Variants in SLC30A7 observed in about 807,000 individuals in gnomAD.
The protein encoded by SLC30A7 is solute carrier family 30 member 7.
A neutral mutation model predicts 46.0 loss-of-function variants in SLC30A7; 35 were observed. That is an observed-to-expected ratio of 0.76 (90% confidence interval 0.58 to 1.01). SLC30A7 has a LOEUF of 1.01. SLC30A7 is among the 50% of genes least tolerant of loss of function. The pLI is 0.00. For missense variants in SLC30A7, 464 were observed against 451.1 expected (o/e 1.03, Z -0.26); for synonymous variants, 147 against 157.8 (o/e 0.93, Z 0.51).
intron 8 of SLC30A7, among the ~76,000 whole-genome samples, chr1:100,922,231 G>T (rs193121162): frequency 1.3e-5 from 2 of 152,030 alleles, no homozygotes; most frequent in African/African-American, 2.4e-5. Flanking sequence ...CTCTGAAAGC[G>T]CTGGGATTAC....
chr1:100,920,920 A>G (rs1652893110), intron 7 of SLC30A7, among the ~76,000 whole-genome samples: 1 of 152,066 alleles, frequency 6.6e-6, no homozygotes, highest in South Asian at 2.1e-4. Context: ...TAAAGATCTA[A>G]ACGTTGAATA....
intron 8 of SLC30A7, among the ~76,000 whole-genome samples, chr1:100,939,861 AC>A (rs1227851354): frequency 6.6e-6 from 1 of 151,730 alleles, no homozygotes; most frequent in Admixed American, 6.6e-5. Flanking sequence ...AAAAAAAAAA[AC>A]AGCAACATGT....
chr1:100,913,766 C>G lies in SLC30A7; in HGVS notation c.615C>G (p.Ser205Arg), dbSNP rs1433800668. 6.2e-7 allele frequency: 1 copy of G among 1,613,706 alleles called. No individual in the cohort carries two copies. Among genetic ancestry groups the G allele is most frequent in the African/African-American group, 1.3e-5 (1 of 74,912 alleles). Residue 205 changes from serine (S) to arginine (R), a missense_variant, in exon 6 of 11, where the codon AGC (serine) becomes AGG (arginine). Ser to Arg is a moderately radical substitution (Grantham distance 110). Transcript: ENST00000357650. Reference sequence around the variant, plus strand: ...AAGTGAAACATGGTGCTGCACATAGCCATGATCATGCTCATGGACATGGAC... The same window carrying G: ...AAGTGAAACATGGTGCTGCACATAGGCATGATCATGCTCATGGACATGGAC... The part of the protein sequence containing the change: ...SHEVKHGAAH[S>R]HDHAHGHGHF...
rs1056625402 is a variant in SLC30A7, at chr1:100,976,007, A to C, written c.*1150A>C. On this transcript the variant is annotated 3_prime_UTR_variant, in exon 11 of 11. Transcript: ENST00000357650. ...TCTTCACAGAAAATAAAAGGTGTTAATTTGCTTTTTAAAACAAATTTAATT... is the reference window on the plus strand; with the variant it reads ...TCTTCACAGAAAATAAAAGGTGTTACTTTGCTTTTTAAAACAAATTTAATT... 2 of 152,628 alleles carry C rather than the reference A, an allele frequency of 1.3e-5. No individual in the cohort carries two copies. The highest frequency in any genetic ancestry group is 2.1e-4 in the South Asian group (1 of 4,824). 9.5% of individuals were successfully genotyped at this position (152,628 alleles called of 1,614,324 possible).
chr1:100,902,267 C>T (rs1041106761), intron 2 of SLC30A7, among the ~76,000 whole-genome samples: 3 of 152,086 alleles, frequency 2.0e-5, no homozygotes, highest in Non-Finnish European at 2.9e-5. Context: ...CTAAAAATAA[C>T]ATTTTAATGC....
At chr1:100,913,571 A>C in intron 5 of SLC30A7, 92 bp from the exon 6 acceptor site, 4 of 888,038 alleles carry the variant, frequency 4.5e-6, no homozygotes, top group Non-Finnish European at 5.4e-6. Context: ...ATCTGAGTTT[A>C]GAGCTGATTC....
At chr1:100,960,949 T>G (rs113147967) in intron 8 of SLC30A7, among the ~76,000 whole-genome samples, 36 of 19,162 alleles carry the variant, frequency 1.9e-3, no homozygotes, top group South Asian at 0.016. Flanking sequence ...TTTTGTGTGT[T>G]TTTTTTTTTT....
rs1557968775 is a variant in SLC30A7, at chr1:100,896,282, A to G, written c.20A>G (p.Lys7Arg). The change falls in exon 1 of 11, where the codon AAA becomes AGA. Residue 7 changes from lysine to arginine, a missense_variant. Coordinates refer to ENST00000357650, the MANE Select transcript of SLC30A7 (RefSeq NM_133496.5). The stretch of plus-strand genomic sequence containing the variant: ...GAGAAGATGTTGCCCCTGTCCATCA[A>G]AGACGATGAATACAAACCACCCAAG... MLPLSI[K>R]DDEYKPPKFN... The G allele has an allele frequency of 1.2e-6, 2 of 1,614,222 alleles. No homozygotes were observed. Among genetic ancestry groups the G allele is most frequent in the East Asian group, 2.2e-5 (1 of 44,878 alleles).
intron 8 of SLC30A7, among the ~76,000 whole-genome samples, chr1:100,952,527 G>A (rs1369331674): frequency 6.6e-6 from 1 of 152,086 alleles, no homozygotes; most frequent in African/African-American, 2.4e-5. Context: ...TCTTACTACC[G>A]TGACATGTTG....
At chr1:100,912,285 T>C in intron 5 of SLC30A7, 47 bp downstream of exon 5, 1 of 1,591,324 alleles carries the variant, frequency 6.3e-7, no homozygotes, top group South Asian at 1.1e-5. Context: ...ACTAGGTTTC[T>C]GTCATAATTA....
In SLC30A7 at chr1:100,950,633, T is replaced by C. The variant is rs183268841; in HGVS notation, c.843-11195T>C. Reference sequence around the variant, plus strand: ...TGTTTTCCTGAGCTTTTGCATTTTTTTCTGTGGGCTGGTCCTTTTATACAC... The same window carrying C: ...TGTTTTCCTGAGCTTTTGCATTTTTCTCTGTGGGCTGGTCCTTTTATACAC... On this transcript the variant is annotated intron_variant, in intron 8 of 10. Coordinates refer to ENST00000357650, the MANE Select transcript of SLC30A7 (RefSeq NM_133496.5). Among the ~76,000 whole-genome samples the C allele has an allele frequency of 1.3e-3, 193 of 152,328 alleles. 1 individual carries two copies. The highest frequency in any genetic ancestry group is 4.4e-3 in the African/African-American group (181 of 41,558).
chr1:100,909,549 T>C (rs189025351), intron 3 of SLC30A7, among the ~76,000 whole-genome samples: 1 of 152,260 alleles, frequency 6.6e-6, no homozygotes, highest in East Asian at 1.9e-4. Flanking sequence ...GAATTACATG[T>C]TCTAATTCTA....
intron 8 of SLC30A7, among the ~76,000 whole-genome samples, chr1:100,957,429 T>C (rs1655287718): frequency 6.6e-6 from 1 of 152,244 alleles, no homozygotes. Flanking sequence ...TTTCCAAATA[T>C]ATTCTCTCTC....
chr1:100,942,266 A>C (rs1654391717), intron 8 of SLC30A7, among the ~76,000 whole-genome samples: 1 of 152,224 alleles, frequency 6.6e-6, no homozygotes, highest in African/African-American at 2.4e-5. Context: ...GGCAATGTCT[A>C]GCAAAATTAA....
chr1:100,955,567 G>A (rs905110136), intron 8 of SLC30A7, among the ~76,000 whole-genome samples: 1 of 152,054 alleles, frequency 6.6e-6, no homozygotes, highest in African/African-American at 2.4e-5. Context: ...GTTTCCAAAT[G>A]CTTACTTTTT....
At chr1:100,902,293 A>G (rs531303486) in intron 2 of SLC30A7, among the ~76,000 whole-genome samples, 40 of 152,356 alleles carry the variant, frequency 2.6e-4, no homozygotes, top group South Asian at 1.7e-3. Context: ...AAATTTACTT[A>G]AAATTTAAAT....
chr1:100,963,601 T>A (rs959329977), intron 9 of SLC30A7, among the ~76,000 whole-genome samples: 51 of 152,222 alleles, frequency 3.4e-4, no homozygotes, highest in Admixed American at 3.1e-3. Context: ...AAAGAGGGTA[T>A]TTTTTGTTTT....
intron 3 of SLC30A7, among the ~76,000 whole-genome samples, chr1:100,909,205 T>C (rs2101013380): frequency 6.6e-6 from 1 of 152,264 alleles, no homozygotes; most frequent in South Asian, 2.1e-4. Flanking sequence ...TTAATTCATG[T>C]TAAGCATAGG....
the SLC30A7 span, among the ~76,000 whole-genome samples, chr1:100,992,143 C>T: frequency 6.7e-6 from 1 of 150,226 alleles, no homozygotes; most frequent in Non-Finnish European, 1.5e-5. Context: ...TGACAATAAA[C>T]ATTTCTATTA....
Sources: gnomAD v4.1 joint callset for allele counts (sites outside exome capture counted in the v4.1 genomes callset) on GRCh38, gnomAD v4.1.1 for gene constraint, MANE v1.5 for transcripts, NCBI Gene and HGNC (gene_info 2026-07-23, HGNC 2026-07-21) for gene names.